PPP2R5E: variants seen among roughly 807,000 people sequenced by gnomAD.
PPP2R5E encodes serine/threonine-protein phosphatase 2A 56 kDa regulatory subunit epsilon isoform.
PPP2R5E carries 4 observed loss-of-function variants against 65.3 expected under a neutral mutation model. That is an observed-to-expected ratio of 0.06 (90% CI 0.03 to 0.14). PPP2R5E has a LOEUF of 0.14. Ranked by LOEUF, PPP2R5E falls within the 10% of genes least tolerant of loss-of-function variation. The pLI, the probability that PPP2R5E is intolerant of heterozygous loss-of-function variation, is 1.00. For missense variants in PPP2R5E, 274 were observed against 556.1 expected (o/e 0.49, Z 5.10); for synonymous variants, 183 against 187.4 (o/e 0.98, Z 0.19).
chr14:63,475,491 G>T (rs954733270), intron 2 of PPP2R5E, among the ~76,000 whole-genome samples: 1 of 152,234 alleles, frequency 6.6e-6, no homozygotes, highest in African/African-American at 2.4e-5. Flanking sequence ...GTCTAAGGAA[G>T]CTTATAAATT....
chr14:63,442,958 CTAA>C (rs1303272646), intron 3 of PPP2R5E, among the ~76,000 whole-genome samples: 1 of 152,160 alleles, frequency 6.6e-6, no homozygotes, highest in Non-Finnish European at 1.5e-5. Flanking sequence ...TGCCCTTCAG[CTAA>C]TAATGTAGCG....
intron 5 of PPP2R5E, among the ~76,000 whole-genome samples, chr14:63,408,672 G>A (rs1269219141): frequency 1.3e-5 from 2 of 152,176 alleles, no homozygotes; most frequent in African/African-American, 2.4e-5. Flanking sequence ...ATAATTTGGA[G>A]ATTATATAGA....
intron 3 of PPP2R5E, among the ~76,000 whole-genome samples, chr14:63,431,085 T>C (rs1054701995): frequency 6.6e-6 from 1 of 152,124 alleles, no homozygotes; most frequent in Non-Finnish European, 1.5e-5. Context: ...CTGGCCAACA[T>C]GGTGAAACCC....
intron 2 of PPP2R5E, among the ~76,000 whole-genome samples, chr14:63,522,786 G>A (rs1053489956): frequency 3.1e-4 from 47 of 150,592 alleles, no homozygotes; most frequent in African/African-American, 1.0e-3. Context: ...GTCACCGCCC[G>A]GCAGCCACCC....
chr14:63,458,954 C>A (rs1156342621), intron 2 of PPP2R5E, among the ~76,000 whole-genome samples: 1 of 152,098 alleles, frequency 6.6e-6, no homozygotes, highest in Non-Finnish European at 1.5e-5. Context: ...AGGACCAGCA[C>A]ACAATGAGAA....
chr14:63,475,402 C>A (rs905688160), intron 2 of PPP2R5E, among the ~76,000 whole-genome samples: 1 of 152,240 alleles, frequency 6.6e-6, no homozygotes, highest in Non-Finnish European at 1.5e-5. Flanking sequence ...TATAAAGGGG[C>A]AGTCTAAGTC....
At chr14:63,445,197 T>C (rs888496922) in intron 3 of PPP2R5E, among the ~76,000 whole-genome samples, 1 of 152,202 alleles carries the variant, frequency 6.6e-6, no homozygotes, top group Non-Finnish European at 1.5e-5. Flanking sequence ...ATGGGCTATT[T>C]TGCTTTACAG....
chr14:63,464,996 C>G (rs1323045628), intron 2 of PPP2R5E, among the ~76,000 whole-genome samples: 1 of 150,150 alleles, frequency 6.7e-6, no homozygotes, highest in Non-Finnish European at 1.5e-5. Context: ...GCACTCCAGC[C>G]TGGGTGACAT....
chr14:63,465,052 A>C (rs1002027191), intron 2 of PPP2R5E, among the ~76,000 whole-genome samples: 22 of 151,832 alleles, frequency 1.4e-4, no homozygotes, highest in African/African-American at 5.3e-4. Flanking sequence ...AAAGACAAGA[A>C]AAGAAAAAGA....
intron 3 of PPP2R5E, among the ~76,000 whole-genome samples, chr14:63,431,577 T>G (rs17825021): frequency 6.6e-6 from 1 of 152,124 alleles, no homozygotes; most frequent in Non-Finnish European, 1.5e-5. Flanking sequence ...CTGTAACAAG[T>G]AGGTATGATC....
At chr14:63,379,826 CTTTTTT>C (rs558475440) in intron 13 of PPP2R5E, among the ~76,000 whole-genome samples, 67 of 100,270 alleles carry the variant, frequency 6.7e-4, no homozygotes, top group Non-Finnish European at 9.9e-4. Context: ...TATTCTCTCT[CTTTTTT>C]TTTTTTTTTT....
chr14:63,519,894 T>G (rs1304195474), intron 2 of PPP2R5E, among the ~76,000 whole-genome samples: 1 of 150,890 alleles, frequency 6.6e-6, no homozygotes, highest in Non-Finnish European at 1.5e-5. Flanking sequence ...ACTCCTGACC[T>G]CGTGATCCGC....
chr14:63,518,945 G>T (rs1011138818), intron 2 of PPP2R5E, among the ~76,000 whole-genome samples: 3 of 152,192 alleles, frequency 2.0e-5, no homozygotes, highest in African/African-American at 4.8e-5. Flanking sequence ...GAGGCCGGGC[G>T]CAGTGGCTCA....
intron 4 of PPP2R5E, among the ~76,000 whole-genome samples, chr14:63,420,413 G>A (rs1383268143): frequency 6.6e-6 from 1 of 151,942 alleles, no homozygotes; most frequent in African/African-American, 2.4e-5. Context: ...AGTTTTACAA[G>A]TTTCTTAGAT....
At chr14:63,460,371 C>A (rs780609112) in intron 2 of PPP2R5E, among the ~76,000 whole-genome samples, 1 of 152,044 alleles carries the variant, frequency 6.6e-6, no homozygotes, top group African/African-American at 2.4e-5. Flanking sequence ...AGTCTTGCTG[C>A]GGAGGAGGGA....
At chr14:63,477,496 A>T (rs28683743) in intron 2 of PPP2R5E, among the ~76,000 whole-genome samples, 49,127 of 151,656 alleles carry the variant, frequency 0.32, 10,543 homozygotes, top group African/African-American at 0.61. Context: ...CAAGGTCATA[A>T]TGGCAATTAA....
intron 2 of PPP2R5E, among the ~76,000 whole-genome samples, chr14:63,456,943 C>A (rs1594894754): frequency 6.6e-6 from 1 of 152,194 alleles, no homozygotes; most frequent in African/African-American, 2.4e-5. Flanking sequence ...AAACTAAATT[C>A]TTTCTAAAAT....
chr14:63,478,414 T>G (rs1314108984), intron 2 of PPP2R5E, among the ~76,000 whole-genome samples: 1 of 152,202 alleles, frequency 6.6e-6, no homozygotes, highest in Non-Finnish European at 1.5e-5. Flanking sequence ...AAATATTTTT[T>G]AAACTACTTT....
At chr14:63,488,018 G>A (rs973790983) in intron 2 of PPP2R5E, among the ~76,000 whole-genome samples, 1 of 152,122 alleles carries the variant, frequency 6.6e-6, no homozygotes, top group Non-Finnish European at 1.5e-5. Context: ...AAACTGGGAA[G>A]CACCTTTTAC....
Sources: gnomAD v4.1 joint callset for allele counts (sites outside exome capture counted in the v4.1 genomes callset) on GRCh38, gnomAD v4.1.1 for gene constraint, MANE v1.5 for transcripts, NCBI Gene and HGNC (gene_info 2026-07-23, HGNC 2026-07-21) for gene names.